Variants in CDK14 observed in about 807,000 individuals in gnomAD.
CDK14 encodes the protein cyclin dependent kinase 14.
CDK14 carries 34 observed loss-of-function variants against 60.7 expected under a neutral mutation model. That is an observed-to-expected ratio of 0.56 (90% CI 0.43 to 0.75). CDK14 has a LOEUF of 0.75. Among genes scored for constraint, CDK14 ranks in the 30% least tolerant of loss-of-function variants. CDK14 has a pLI of 0.00. For missense variants in CDK14, 482 were observed against 564.1 expected (o/e 0.85, Z 1.47); for synonymous variants, 197 against 203.7 (o/e 0.97, Z 0.28).
rs1197633129 is a variant in CDK14 at position 90,904,938 on chromosome 7, C to G, written c.702+5585C>G. Among the ~76,000 whole-genome samples, 4 of 152,096 alleles carry G rather than the reference C, an allele frequency of 2.6e-5. No individual in the cohort carries two copies. In the South Asian group the frequency reaches 6.2e-4, roughly 24 times the overall value. Reference sequence around the variant, plus strand: ...ATTTGGACACAGAAGTATTTTCAGCCTAGAATTCTGTGCAAACTGTCAGTG... The same window carrying G: ...ATTTGGACACAGAAGTATTTTCAGCGTAGAATTCTGTGCAAACTGTCAGTG... On this transcript the variant is annotated intron_variant, in intron 7 of 14. Coordinates refer to ENST00000380050, the MANE Select transcript of CDK14 (RefSeq NM_001287135.2).
rs371910948 is a variant in CDK14 at position 90,682,609 on chromosome 7, G to A, written c.124-43958G>A. On this transcript the variant is annotated intron_variant, in intron 2 of 14. Coordinates refer to ENST00000380050, the MANE Select transcript of CDK14 (RefSeq NM_001287135.2). ...ATCTGAAGTTATCAACCTCAGATACGATACTTATTATCTTTTATATGGTTT... is the reference window on the plus strand; with the variant it reads ...ATCTGAAGTTATCAACCTCAGATACAATACTTATTATCTTTTATATGGTTT... Among the ~76,000 whole-genome samples, 35 of 152,200 alleles carry A rather than the reference G, an allele frequency of 2.3e-4. No homozygotes were observed. The East Asian group carries it at 5.8e-3, about 25-fold the overall frequency.
At chr7:90,851,576 A>G (rs1201455352) in intron 5 of CDK14, among the ~76,000 whole-genome samples, 1 of 152,086 alleles carries the variant, frequency 6.6e-6, no homozygotes, top group African/African-American at 2.4e-5. Context: ...CATTGCAGAG[A>G]CTGTCCCCTC....
intron 14 of CDK14, among the ~76,000 whole-genome samples, chr7:91,123,324 T>G (rs1343959555): frequency 6.6e-6 from 1 of 152,208 alleles, no homozygotes; most frequent in Admixed American, 6.5e-5. Context: ...CTACAATTTT[T>G]TTTTCCTATT....
At chr7:90,700,249 A>G (rs1413261275) in intron 2 of CDK14, among the ~76,000 whole-genome samples, 2 of 152,120 alleles carry the variant, frequency 1.3e-5, no homozygotes, top group East Asian at 1.9e-4. Context: ...ATGCACCACC[A>G]TGCCCAGCTG....
At chr7:91,139,312 G>A (rs989330781) in intron 14 of CDK14, among the ~76,000 whole-genome samples, 5 of 151,080 alleles carry the variant, frequency 3.3e-5, no homozygotes, top group African/African-American at 1.2e-4. Context: ...AAAATGAGAT[G>A]ATCACATGTA....
chr7:91,194,332 G>T (rs1450283044), intron 14 of CDK14, among the ~76,000 whole-genome samples: 2 of 152,036 alleles, frequency 1.3e-5, no homozygotes, highest in Admixed American at 6.6e-5. Context: ...AGCATTTCAG[G>T]CTCATGCTCA....
chr7:90,849,209 C>T (rs1255007273), intron 5 of CDK14, among the ~76,000 whole-genome samples: 2 of 150,298 alleles, frequency 1.3e-5, no homozygotes, highest in East Asian at 3.9e-4. Context: ...GAGCCTGATA[C>T]CTCCCCAAAT....
Position 90,726,608 on chromosome 7 carries a change from G to A in CDK14, c.165G>A (p.Met55Ile), listed in dbSNP as rs1726323075. The A allele has an allele frequency of 6.2e-7, 1 of 1,613,316 alleles. No homozygotes were observed. The highest frequency in any genetic ancestry group is 1.3e-5 in the African/African-American group (1 of 74,890). The change falls in exon 3 of 15, where the codon ATG (methionine) becomes ATA (isoleucine). Residue 55 changes from methionine to isoleucine, a missense_variant. Transcript: ENST00000380050. ...TKMSTRNCQG[M>I]DSVIKPLDTI... ...TGTCTACACGGAACTGCCAGGGAAT[G>A]GACTCAGTGATCAAACCCCTGGACA...
At chr7:90,782,280 T>C (rs2116935302) in intron 4 of CDK14, among the ~76,000 whole-genome samples, 1 of 152,292 alleles carries the variant, frequency 6.6e-6, no homozygotes, top group East Asian at 1.9e-4. Flanking sequence ...ACCTGAGACT[T>C]TGCTGAAGTT....
chr7:90,928,967 C>T (rs1014864962), intron 8 of CDK14, among the ~76,000 whole-genome samples: 1 of 152,230 alleles, frequency 6.6e-6, no homozygotes, highest in Admixed American at 6.5e-5. Context: ...AGTTAGATCT[C>T]AGACTGCTGT....
chr7:90,666,044 C>A (rs939175377), intron 2 of CDK14, among the ~76,000 whole-genome samples: 21 of 152,156 alleles, frequency 1.4e-4, no homozygotes, highest in African/African-American at 4.6e-4. Context: ...CCTGCCTAGT[C>A]CCTGCCTTCC....
At chr7:90,792,721 C>T (rs1005097628) in intron 5 of CDK14, among the ~76,000 whole-genome samples, 1 of 152,078 alleles carries the variant, frequency 6.6e-6, no homozygotes, top group African/African-American at 2.4e-5. Flanking sequence ...TAATTATACA[C>T]CTCACTTCTC....
In CDK14 at chr7:90,783,124, T is replaced by C. The variant is rs57639541; in HGVS notation, c.465-7449T>C. ...ATATGCCACTCTAATATTATGTTTCTAAATATTATGAGTTTGTATATTTGA... is the reference window on the plus strand; with the variant it reads ...ATATGCCACTCTAATATTATGTTTCCAAATATTATGAGTTTGTATATTTGA... On this transcript the variant is annotated intron_variant, in intron 4 of 14. Coordinates refer to ENST00000380050, the MANE Select transcript of CDK14 (RefSeq NM_001287135.2). Among the ~76,000 whole-genome samples, 527 of 152,292 alleles carry C rather than the reference T, an allele frequency of 3.5e-3. 3 individuals are homozygous for C. The highest frequency in any genetic ancestry group is 0.012 in the African/African-American group (495 of 41,570).
At chr7:90,742,575 A>G (rs1389131780) in intron 3 of CDK14, among the ~76,000 whole-genome samples, 2 of 151,666 alleles carry the variant, frequency 1.3e-5, no homozygotes, top group Non-Finnish European at 3.0e-5. Flanking sequence ...GATATCTTTT[A>G]TTGTCTTTAT....
At chr7:90,971,653 T>TAAAAAAAA (rs35135401) in intron 9 of CDK14, among the ~76,000 whole-genome samples, 5 of 119,540 alleles carry the variant, frequency 4.2e-5, no homozygotes, top group Non-Finnish European at 3.4e-5. Context: ...ATATACATAG[T>TAAAAAAAA]AAAAAAAAAA....
At chr7:90,701,241 A>G (rs899480786) in intron 2 of CDK14, among the ~76,000 whole-genome samples, 26 of 152,170 alleles carry the variant, frequency 1.7e-4, no homozygotes, top group Admixed American at 1.3e-3. Flanking sequence ...GGTGGTATCT[A>G]TAAGGATAGT....
intron 5 of CDK14, among the ~76,000 whole-genome samples, chr7:90,821,406 G>T (rs1436180016): frequency 6.6e-6 from 1 of 152,172 alleles, no homozygotes; most frequent in Non-Finnish European, 1.5e-5. Context: ...ATGCTCTCCT[G>T]AGTGACCTTT....
chr7:91,170,682 GA>G (rs1801487626), intron 14 of CDK14, among the ~76,000 whole-genome samples: 1 of 150,906 alleles, frequency 6.6e-6, no homozygotes, highest in East Asian at 1.9e-4. Flanking sequence ...AAATAAAAAG[GA>G]AAATAATTTT....
chr7:90,873,132 G>A (rs1456693114), intron 6 of CDK14, among the ~76,000 whole-genome samples: 2 of 152,116 alleles, frequency 1.3e-5, no homozygotes, highest in East Asian at 3.9e-4. Flanking sequence ...TCAGGGGGTG[G>A]GTGGAGGCAC....
Sources: allele counts gnomAD v4.1 joint callset (sites outside exome capture counted in the v4.1 genomes callset), GRCh38; gene constraint gnomAD v4.1.1; transcripts MANE v1.5; gene names NCBI Gene and HGNC (gene_info 2026-07-23, HGNC 2026-07-21).